NECTIN3: variants seen among roughly 807,000 people sequenced by gnomAD.
NECTIN3 encodes the protein nectin-3.
In NECTIN3, 8 loss-of-function variants were observed where a neutral mutation model predicts 49.4. The observed-to-expected ratio is 0.16, with a 90% CI of 0.10 to 0.29. The LOEUF (loss-of-function observed/expected upper bound fraction) is 0.29, where lower values mean the gene tolerates loss of function less well. Ranked by LOEUF, NECTIN3 falls within the 10% of genes least tolerant of loss-of-function variation. NECTIN3 has a pLI of 1.00. For missense variants in NECTIN3, 581 were observed against 654.6 expected (o/e 0.89, Z 1.23); for synonymous variants, 277 against 241.1 (o/e 1.15, Z -1.38).
intron 1 of NECTIN3, among the ~76,000 whole-genome samples, chr3:111,193,033 T>C (rs1310961667): frequency 1.3e-5 from 2 of 152,216 alleles, no homozygotes; most frequent in African/African-American, 4.8e-5. Flanking sequence ...AAGCGACAAA[T>C]GACTGGAAAA....
chr3:111,185,643 C>T (rs549572253), intron 7 of NECTIN3, among the ~76,000 whole-genome samples: 16 of 152,186 alleles, frequency 1.1e-4, no homozygotes, highest in South Asian at 4.1e-4. Flanking sequence ...TGCAGAGCAC[C>T]TTGTAGAGAA....
At chr3:111,191,614 G>A (rs565094881), upstream of NECTIN3, among the ~76,000 whole-genome samples, 7 of 152,068 alleles carry the variant, frequency 4.6e-5, no homozygotes, top group East Asian at 1.2e-3. Flanking sequence ...TGGGGATAAG[G>A]ATGGAAGATT....
chr3:111,073,026 TAAAAAAAAAAAAAA>T (rs754143014), intron 1 of NECTIN3: 2 of 93,054 alleles, frequency 2.1e-5, no homozygotes, highest in African/African-American at 8.0e-5. Flanking sequence ...AGGACTGTGC[TAAAAAAAAAAAAAA>T]AAAAAAAGTC....
In NECTIN3 at chr3:111,135,931, A is replaced by G; in HGVS notation, c.*1716A>G. 6 of 920,286 alleles carry G rather than the reference A, an allele frequency of 6.5e-6. No individual in the cohort carries two copies. Among genetic ancestry groups the G allele is most frequent in the Non-Finnish European group, 7.8e-6 (6 of 771,492 alleles). 57.0% of individuals were successfully genotyped at this position (920,286 alleles called of 1,614,324 possible). The stretch of plus-strand genomic sequence containing the variant: ...TCAGGTTAAGGATACAGATAAATAA[A>G]GTTCACTTATATCTTCTTACAAATG... On this transcript the variant is annotated 3_prime_UTR_variant, in exon 6 of 6. Transcript: ENST00000485303.
At position 111,182,328 on chromosome 3, in the gene NECTIN3, A is replaced by G. The variant is rs796464220; in HGVS notation, c.1222-10023A>G. 6.6e-5 allele frequency among the ~76,000 whole-genome samples: 10 copies of G among 152,206 alleles called. No individual in the cohort carries two copies. In the South Asian group the frequency reaches 1.9e-3, roughly 28 times the overall value. On this transcript the variant is annotated intron_variant, in intron 7 of 8. Transcript: ENST00000493615. ...CTGTTGTTGGATGTGGTGGTTTATA[A>G]ATGTCACTTAGGTCAAGTTGGTTGA...
At chr3:111,122,019 C>T (rs768126976) in intron 3 of NECTIN3, 102 bp from the exon 4 acceptor site, 59 of 784,104 alleles carry the variant, frequency 7.5e-5, no homozygotes, top group Non-Finnish European at 1.1e-4. Flanking sequence ...AAAATGGTTC[C>T]TGTTATTCTA....
chr3:111,123,590 A>T (rs927468230), intron 4 of NECTIN3, among the ~76,000 whole-genome samples: 2 of 152,046 alleles, frequency 1.3e-5, no homozygotes, highest in African/African-American at 4.8e-5. Flanking sequence ...TTTGCCCCAG[A>T]GATGAATGTC....
chr3:111,091,488 A>G (rs921451476), intron 1 of NECTIN3, among the ~76,000 whole-genome samples: 2 of 152,086 alleles, frequency 1.3e-5, no homozygotes, highest in Non-Finnish European at 2.9e-5. Flanking sequence ...TCCTGACCTC[A>G]TGATTCACCC....
At chr3:111,125,553 A>T (rs958577227) in intron 4 of NECTIN3, among the ~76,000 whole-genome samples, 5 of 152,256 alleles carry the variant, frequency 3.3e-5, no homozygotes, top group South Asian at 2.1e-4. Flanking sequence ...TAGTGTAAAT[A>T]CTGTTTTAAA....
chr3:111,188,905 T>A (rs146833290), upstream of NECTIN3, among the ~76,000 whole-genome samples: 1 of 152,312 alleles, frequency 6.6e-6, no homozygotes. Flanking sequence ...CAACCAAATC[T>A]TCCCTTGAAC....
At chr3:111,181,175 A>G (rs961546493) in intron 7 of NECTIN3, among the ~76,000 whole-genome samples, 16 of 152,182 alleles carry the variant, frequency 1.1e-4, no homozygotes, top group Admixed American at 8.5e-4. Flanking sequence ...CTGTCACAAT[A>G]TATTAGTTAT....
At position 111,137,221 on chromosome 3, in the gene NECTIN3, T is replaced by A. The variant is rs2034611107; in HGVS notation, c.*3006T>A. Reference sequence around the variant, plus strand: ...GTAAGAAGTTTATGTATGAAAGTAATCAATGTAAAATATAAGAAAGGAATA... The same window carrying A: ...GTAAGAAGTTTATGTATGAAAGTAAACAATGTAAAATATAAGAAAGGAATA... On this transcript the variant is annotated 3_prime_UTR_variant, in exon 6 of 6. Transcript: ENST00000485303. 2.1e-6 allele frequency: 2 copies of A among 935,526 alleles called. No homozygotes were observed. Among genetic ancestry groups the A allele is most frequent in the Admixed American group, 1.2e-4 (2 of 16,092 alleles). 58.0% of individuals were successfully genotyped at this position (935,526 alleles called of 1,614,324 possible). A position where few individuals can be genotyped will look rare whatever the true frequency, so the allele number is the denominator to read the frequency against.
rs557315188 is a variant in NECTIN3 at position 111,072,097 on chromosome 3, C to G, written c.80C>G (p.Ala27Gly). 6.5e-7 allele frequency: 1 copy of G among 1,549,478 alleles called. No homozygotes were observed. The highest frequency in any genetic ancestry group is 2.4e-5 in the East Asian group (1 of 40,834). ...AQLSSASLLGAGLLLQPPTPP... is the reference protein window; with the variant it reads ...AQLSSASLLGGGLLLQPPTPP... ...CTTTCCTCCGCTTCTCTCCTCGGAG[C>G]CGGGCTCCTGCTGCAGCCCCCGACG... Residue 27 changes from alanine to glycine, a missense_variant, in exon 1 of 6, where the codon GCC (alanine) becomes GGC (glycine). Coordinates refer to ENST00000485303, the MANE Select transcript of NECTIN3 (RefSeq NM_015480.3).
At chr3:111,146,285 T>G (rs1418438100) in intron 6 of NECTIN3, among the ~76,000 whole-genome samples, 2 of 151,536 alleles carry the variant, frequency 1.3e-5, no homozygotes, top group Non-Finnish European at 2.9e-5. Context: ...ATACAAAAAA[T>G]TAGCCGGGCG....
At chr3:111,160,796 G>A (rs1320211838) in intron 7 of NECTIN3, among the ~76,000 whole-genome samples, 6 of 152,014 alleles carry the variant, frequency 3.9e-5, no homozygotes, top group Non-Finnish European at 7.4e-5. Flanking sequence ...TCACGAGGTC[G>A]GGAGATCGAG....
upstream of NECTIN3, among the ~76,000 whole-genome samples, chr3:111,191,308 A>G (rs933571584): frequency 1.3e-5 from 2 of 152,196 alleles, no homozygotes; most frequent in Non-Finnish European, 2.9e-5. Context: ...TTGAAGTATT[A>G]TACGTATAAA....
intron 7 of NECTIN3, among the ~76,000 whole-genome samples, chr3:111,152,555 G>C (rs1384639203): frequency 6.6e-6 from 1 of 151,578 alleles, no homozygotes; most frequent in Non-Finnish European, 1.5e-5. Flanking sequence ...TTTATTTATT[G>C]GACAAAATTG....
rs2034497935 is a variant in NECTIN3, at chr3:111,134,206, G to GT, written c.1642dup (p.Tyr548LeufsTer19). ...GTTCCGTAATTTCCAGGAGGGAGTGGTATGTTTAGCAACCACTGAATGTGA... is the reference window on the plus strand; with the variant it reads ...GTTCCGTAATTTCCAGGAGGGAGTGGTTATGTTTAGCAACCACTGAATGTGA... On this transcript the variant is annotated frameshift_variant, in exon 6 of 6. Transcript: ENST00000485303. LOFTEE classifies it high-confidence loss of function. 6.3e-7 allele frequency: 1 copy of GT among 1,597,248 alleles called. No homozygotes were observed. The highest frequency in any genetic ancestry group is 8.5e-7 in the Non-Finnish European group (1 of 1,172,864).
chr3:111,085,664 A>G (rs2031880691), intron 1 of NECTIN3, among the ~76,000 whole-genome samples: 1 of 150,710 alleles, frequency 6.6e-6, no homozygotes, highest in Non-Finnish European at 1.5e-5. Flanking sequence ...CTTTGCTTAC[A>G]CTGTGAGATT....
Sources: allele counts gnomAD v4.1 joint callset (sites outside exome capture counted in the v4.1 genomes callset), GRCh38; gene constraint gnomAD v4.1.1; transcripts MANE v1.5; gene names NCBI Gene and HGNC (gene_info 2026-07-23, HGNC 2026-07-21).